Variants in C8orf74 observed in about 807,000 individuals in gnomAD.
C8orf74 encodes chromosome 8 open reading frame 74.
Under a neutral mutation model 22.2 loss-of-function variants are expected in C8orf74, and 29 were observed. The observed-to-expected ratio is 1.31, with a 90% CI of 0.97 to 1.78. The LOEUF (loss-of-function observed/expected upper bound fraction) is 1.78, where lower values mean the gene tolerates loss of function less well. C8orf74 is among the 40% of genes most tolerant of loss of function. The pLI, the probability that C8orf74 is intolerant of heterozygous loss-of-function variation, is 0.00. For missense variants in C8orf74, 515 were observed against 369.9 expected (o/e 1.39, Z -3.22); for synonymous variants, 255 against 163.1 (o/e 1.56, Z -4.30).
chr8:10,698,400 T>G (rs1418154378), intron 3 of C8orf74, among the ~76,000 whole-genome samples: 1 of 151,802 alleles, frequency 6.6e-6, no homozygotes, highest in East Asian at 1.9e-4. Context: ...AGAGCCGGCA[T>G]GCCCCTAGGA....
In C8orf74 at chr8:10,700,376, C is replaced by G. The variant is rs368598870; in HGVS notation, c.790C>G (p.Pro264Ala). Residue 264 changes from proline (P) to alanine (A), a missense_variant, in exon 4 of 4, where the codon CCT becomes GCT. Transcript: ENST00000304519. ...GACTCTGAACCTCAACGCCCCCACC[C>G]CTATCCCGCCCCCCATCACCAGCCA... Reference protein sequence around the residue: ...KKTLNLNAPTPIPPPITSHAG... With the variant: ...KKTLNLNAPTAIPPPITSHAG... 12 of 1,609,162 alleles carry G rather than the reference C, an allele frequency of 7.5e-6. No homozygotes were observed. In the South Asian group the frequency reaches 1.2e-4, roughly 16 times the overall value.
rs74530659 is a variant in C8orf74 at position 10,694,482 on chromosome 8, G to C, written c.242-3117G>C. On this transcript the variant is annotated intron_variant, in intron 2 of 3. Transcript: ENST00000304519. Reference sequence around the variant, plus strand: ...TTTAAAGGGGAAAGTGGGCTGGAGGGGAAAGAAGGAGGGTATGGTAATCCA... The same window carrying C: ...TTTAAAGGGGAAAGTGGGCTGGAGGCGAAAGAAGGAGGGTATGGTAATCCA... 2.4e-3 allele frequency among the ~76,000 whole-genome samples: 360 copies of C among 152,230 alleles called. 12 individuals carry two copies. In the East Asian group the frequency reaches 0.061, roughly 26 times the overall value.
chr8:10,691,055 G>GCCCAGGGAGTGTGGT (rs1554468679), intron 2 of C8orf74: 5 of 409,428 alleles, frequency 1.2e-5, no homozygotes, highest in Admixed American at 5.1e-5. Flanking sequence ...TCAACCCGAG[G>GCCCAGGGAGTGTGGT]CCCAGGGAGT....
intron 2 of C8orf74, chr8:10,691,204 G>A (rs1799373541): frequency 3.0e-6 from 1 of 332,938 alleles, no homozygotes; most frequent in African/African-American, 2.1e-5. Context: ...CCCAGGACAA[G>A]GTCTACACTT....
At chr8:10,684,005 C>T (rs1254710004) in intron 2 of C8orf74, among the ~76,000 whole-genome samples, 1 of 152,190 alleles carries the variant, frequency 6.6e-6, no homozygotes, top group African/African-American at 2.4e-5. Context: ...CCGGCCCTCC[C>T]ACGATGCTAG....
chr8:10,681,305 G>A (rs138331787), intron 2 of C8orf74, among the ~76,000 whole-genome samples: 281 of 152,278 alleles, frequency 1.8e-3, no homozygotes, highest in African/African-American at 6.2e-3. Flanking sequence ...CCTCTGGGAA[G>A]CTCTGGGCAG....
At chr8:10,678,793 C>G (rs993495532) in intron 2 of C8orf74, among the ~76,000 whole-genome samples, 1 of 152,134 alleles carries the variant, frequency 6.6e-6, no homozygotes, top group Non-Finnish European at 1.5e-5. Context: ...GGGTGCAGAG[C>G]CCCACGACAG....
intron 2 of C8orf74, among the ~76,000 whole-genome samples, chr8:10,681,896 C>T (rs1280950208): frequency 6.6e-6 from 1 of 152,122 alleles, no homozygotes; most frequent in Non-Finnish European, 1.5e-5. Flanking sequence ...ATGGCCACTC[C>T]TGGTTCTAAA....
rs542735152 is a variant in C8orf74, at chr8:10,674,635, A to T, written c.49-11A>T. On this transcript the variant is annotated splice_polypyrimidine_tract_variant and intron_variant, in intron 1 of 3. Transcript: ENST00000304519. ...CATCATACCCTGCAGTTCCCATGTC[A>T]TTCCCTGCAGAGACCACAAGGTCGG... 11 of 1,596,192 alleles carry T rather than the reference A, an allele frequency of 6.9e-6. No homozygotes were observed. In the African/African-American group the frequency reaches 9.5e-5, roughly 14 times the overall value.
At chr8:10,691,031 T>G (rs1186423519) in intron 2 of C8orf74, 9 of 433,230 alleles carry the variant, frequency 2.1e-5, no homozygotes. Context: ...ACTTTCTGAG[T>G]CACCAGGAAC....
intron 2 of C8orf74, among the ~76,000 whole-genome samples, chr8:10,679,701 C>A (rs1056760509): frequency 6.6e-6 from 1 of 152,330 alleles, no homozygotes; most frequent in Admixed American, 6.5e-5. Context: ...CTGGCTGCCT[C>A]CCACCTGCGT....
At chr8:10,698,106 G>A in intron 3 of C8orf74, 101 bp downstream of exon 3, 3 of 1,186,580 alleles carry the variant, frequency 2.5e-6, no homozygotes, top group Non-Finnish European at 3.4e-6. Flanking sequence ...TGGCACACAG[G>A]GGAGGGGGAG....
Position 10,672,681 on chromosome 8 carries a change from C to T in C8orf74, c.16C>T (p.Pro6Ser). The T allele has an allele frequency of 4.5e-6, 7 of 1,566,190 alleles. No individual in the cohort carries two copies. Among genetic ancestry groups the T allele is most frequent in the Non-Finnish European group, 6.1e-6 (7 of 1,155,072 alleles). MALLT[P>S]QGVKEVFQLQ... Reference sequence around the variant, plus strand: ...TGCAGGGGCCATGGCACTCTTAACACCCCAGGGAGTGAAAGAAGTCTTCCA... The same window carrying T: ...TGCAGGGGCCATGGCACTCTTAACATCCCAGGGAGTGAAAGAAGTCTTCCA... The change falls in exon 1 of 4, where the codon CCC (proline) becomes TCC (serine). Residue 6 changes from proline (P) to serine (S), a missense_variant. By Grantham distance (74) the Pro-to-Ser change is moderately conservative (BLOSUM62 -1). Transcript: ENST00000304519.
rs572670508 is a variant in C8orf74, at chr8:10,693,546, A to G, written c.242-4053A>G. On this transcript the variant is annotated intron_variant, in intron 2 of 3. Coordinates refer to ENST00000304519, the MANE Select transcript of C8orf74 (RefSeq NM_001040032.2). The stretch of plus-strand genomic sequence containing the variant: ...TAGAGCTGGTTCACTTACTCTCTAG[A>G]CTTTGATTGGGCCCCTCCTGTACAC... Among the ~76,000 whole-genome samples the G allele has an allele frequency of 2.0e-5, 3 of 152,284 alleles. No homozygotes were observed. The East Asian group carries it at 5.8e-4, about 29-fold the overall frequency.
intron 2 of C8orf74, chr8:10,680,145 G>C (rs747266837): frequency 2.6e-5 from 4 of 152,246 alleles, no homozygotes; most frequent in Non-Finnish European, 4.4e-5. Context: ...CGAGGGGCTG[G>C]TCTTGCCCCA....
Position 10,697,634 on chromosome 8 carries a change from A to T in C8orf74, c.277A>T (p.Asn93Tyr), listed in dbSNP as rs1343042906. The T allele has an allele frequency of 1.2e-6, 2 of 1,613,852 alleles. No individual in the cohort carries two copies. The highest frequency in any genetic ancestry group is 2.2e-5 in the South Asian group (2 of 91,070). Residue 93 changes from asparagine to tyrosine, a missense_variant, in exon 3 of 4, where the codon AAC (asparagine) becomes TAC (tyrosine). Transcript: ENST00000304519. ...TACTGAGGCTGTGACGATCCTGGGGAACAAGCTTAGAGATTACCGGGGCCA... is the reference window on the plus strand; with the variant it reads ...TACTGAGGCTGTGACGATCCTGGGGTACAAGCTTAGAGATTACCGGGGCCA... ...SITEAVTILG[N>Y]KLRDYRGHFN...
chr8:10,678,436 G>A (rs1799078335), intron 2 of C8orf74, among the ~76,000 whole-genome samples: 1 of 152,146 alleles, frequency 6.6e-6, no homozygotes, highest in Non-Finnish European at 1.5e-5. Flanking sequence ...CCAGAAACCT[G>A]GCATAGTCAG....
At chr8:10,685,013 G>A (rs892426030) in intron 2 of C8orf74, among the ~76,000 whole-genome samples, 1 of 152,218 alleles carries the variant, frequency 6.6e-6, no homozygotes, top group Non-Finnish European at 1.5e-5. Context: ...ACTCCCCACA[G>A]GGGGCGGAGC....
chr8:10,685,873 T>C (rs570156341), intron 2 of C8orf74, among the ~76,000 whole-genome samples: 1 of 152,122 alleles, frequency 6.6e-6, no homozygotes, highest in African/African-American at 2.4e-5. Context: ...ATTGAGACCA[T>C]CCTGGCTAAC....
Sources: allele counts gnomAD v4.1 joint callset (sites outside exome capture counted in the v4.1 genomes callset), GRCh38; gene constraint gnomAD v4.1.1; transcripts MANE v1.5; gene names NCBI Gene and HGNC (gene_info 2026-07-23, HGNC 2026-07-21).